Variants in MEGF10 observed in about 807,000 individuals in gnomAD.
MEGF10 encodes the protein multiple epidermal growth factor-like domains protein 10.
A neutral mutation model predicts 147.5 loss-of-function variants in MEGF10; 86 were observed. The ratio of observed to expected loss-of-function variants is 0.58; its 90% confidence interval spans 0.49 to 0.70. The LOEUF is 0.70. Among genes scored for constraint, MEGF10 ranks in the 30% least tolerant of loss-of-function variants. MEGF10 has a pLI of 0.00. For synonymous variants in MEGF10, 478 were observed against 525.5 expected, an observed-to-expected ratio of 0.91 and a Z score of 1.24; for missense variants, 1,329 against 1,487.3, an observed-to-expected ratio of 0.89 and a Z score of 1.75.
chr5:127,250,392 TA>T, the MEGF10 span, among the ~76,000 whole-genome samples: 22 of 151,846 alleles, frequency 1.4e-4, no homozygotes, highest in East Asian at 3.9e-4. Context: ...TATAAATAGA[TA>T]AAAAAAATTT....
chr5:127,247,463 A>G, the MEGF10 span, among the ~76,000 whole-genome samples: 579 of 141,052 alleles, frequency 4.1e-3, 22 homozygotes, highest in Non-Finnish European at 4.6e-3. Flanking sequence ...AAGAAGAAGA[A>G]GAAGAAGAAG....
chr5:127,452,722 C>T lies in MEGF10; in HGVS notation c.2981-1844C>T, dbSNP rs141296236. Among the ~76,000 whole-genome samples, 233 of 152,282 alleles carry T rather than the reference C, an allele frequency of 1.5e-3. 2 individuals are homozygous for T. The highest frequency in any genetic ancestry group is 5.4e-3 in the African/African-American group (223 of 41,558). On this transcript the variant is annotated intron_variant, in intron 22 of 24. Coordinates refer to ENST00000503335, the MANE Select transcript of MEGF10 (RefSeq NM_001256545.2). ...TTACACTATCCGGTGTATCCCTGGG[C>T]CTCCGGGTGAACAAAAGCACTCCTA... is the stretch of plus-strand genomic sequence containing the variant.
chr5:127,438,420 T>A lies in MEGF10; in HGVS notation c.2105-19T>A. 6.2e-7 allele frequency: 1 copy of A among 1,612,954 alleles called. No homozygotes were observed. The highest frequency in any genetic ancestry group is 8.5e-7 in the Non-Finnish European group (1 of 1,179,342). On this transcript the variant is annotated intron_variant, in intron 16 of 24. Coordinates refer to ENST00000503335, the MANE Select transcript of MEGF10 (RefSeq NM_001256545.2). ...TGGCCTCAGAACTCTGATGGACTTCTCCATACCTGTAATTTCAGCATGTCC... is the reference window on the plus strand; with the variant it reads ...TGGCCTCAGAACTCTGATGGACTTCACCATACCTGTAATTTCAGCATGTCC...
chr5:127,247,699 G>A, the MEGF10 span, among the ~76,000 whole-genome samples: 306 of 152,082 alleles, frequency 2.0e-3, no homozygotes, highest in African/African-American at 7.0e-3. Context: ...AATAACATGA[G>A]GCAAGCACCA....
the MEGF10 span, among the ~76,000 whole-genome samples, chr5:127,251,188 T>G: frequency 0.047 from 7,180 of 152,122 alleles, 285 homozygotes; most frequent in African/African-American, 0.1. Context: ...TTTCAAAAAT[T>G]AAAACAAATT....
the MEGF10 span, among the ~76,000 whole-genome samples, chr5:127,268,818 C>T: frequency 6.6e-6 from 1 of 152,248 alleles, no homozygotes. Flanking sequence ...CTCTGAGTAG[C>T]CTAACTGGGA....
intron 23 of MEGF10, 24 bp from the exon 24 acceptor site, chr5:127,455,377 T>G (rs1327044993): frequency 6.3e-7 from 1 of 1,596,538 alleles, no homozygotes; most frequent in Non-Finnish European, 8.6e-7. Flanking sequence ...AGCATTAGCT[T>G]TCTCTTCTCA....
At chr5:127,318,514 A>G (rs1216791739) in intron 1 of MEGF10, among the ~76,000 whole-genome samples, 3 of 152,200 alleles carry the variant, frequency 2.0e-5, no homozygotes, top group African/African-American at 7.2e-5. Flanking sequence ...CTAAAAATGC[A>G]TCTACAAGAA....
Position 127,331,289 on chromosome 5 carries a change from A to G in MEGF10, c.-18-2A>G, listed in dbSNP as rs367819491. 6.8e-7 allele frequency: 1 copy of G among 1,462,638 alleles called. No homozygotes were observed. Among genetic ancestry groups the G allele is most frequent in the Non-Finnish European group, 9.6e-7 (1 of 1,045,228 alleles). 90.6% of individuals were successfully genotyped at this position (1,462,638 alleles called of 1,614,324 possible). A position where few individuals can be genotyped will look rare whatever the true frequency, so the allele number is the denominator to read the frequency against. ...CTAATTGGGATTTTTTCTTTCTTGT[A>G]GGTTGTTCTTCAGAAAAAAATGGTT... On this transcript the variant is annotated splice_acceptor_variant, in intron 1 of 24. Coordinates refer to ENST00000503335, the MANE Select transcript of MEGF10 (RefSeq NM_001256545.2). LOFTEE classifies it low-confidence loss of function (5UTR_SPLICE).
chr5:127,327,847 T>C (rs1162851077), intron 1 of MEGF10, among the ~76,000 whole-genome samples: 1 of 151,970 alleles, frequency 6.6e-6, no homozygotes, highest in African/African-American at 2.4e-5. Context: ...CCCAAGTAGC[T>C]GGGATTATAG....
chr5:127,429,760 C>G (rs1480384819), intron 13 of MEGF10, among the ~76,000 whole-genome samples: 1 of 152,166 alleles, frequency 6.6e-6, no homozygotes, highest in Non-Finnish European at 1.5e-5. Flanking sequence ...GGGGGTTCTG[C>G]AGGTAAAAGA....
intron 4 of MEGF10, among the ~76,000 whole-genome samples, chr5:127,348,892 A>G (rs544335788): frequency 6.6e-6 from 1 of 152,276 alleles, no homozygotes; most frequent in South Asian, 2.1e-4. Context: ...TGTAAATCTA[A>G]TAAGCCCAAC....
chr5:127,457,637 A>G lies in MEGF10; in HGVS notation c.*319A>G, dbSNP rs1580896162. The stretch of plus-strand genomic sequence containing the variant: ...CTCGGAGACGCAGGTTGCAGTGGAC[A>G]TTGGGATTGTTGCTTGAAAAATTAA... On this transcript the variant is annotated 3_prime_UTR_variant, in exon 25 of 25. Transcript: ENST00000503335. 1 of 299,966 alleles carries G rather than the reference A, an allele frequency of 3.3e-6. No homozygotes were observed. The highest frequency in any genetic ancestry group is 6.4e-5 in the South Asian group (1 of 15,682). The allele number at this position is 299,966 out of a possible 1,614,324, so 18.6% of individuals were successfully genotyped here.
intron 7 of MEGF10, among the ~76,000 whole-genome samples, chr5:127,400,711 G>A (rs918029362): frequency 4.6e-5 from 7 of 152,194 alleles, no homozygotes; most frequent in Non-Finnish European, 1.0e-4. Context: ...GGGATGGTCA[G>A]GATGTGGGTT....
intron 5 of MEGF10, among the ~76,000 whole-genome samples, chr5:127,379,342 C>A (rs1223716170): frequency 1.3e-5 from 2 of 152,096 alleles, no homozygotes; most frequent in Non-Finnish European, 2.9e-5. Context: ...CTCTCCTTCC[C>A]AAAACTGGCT....
At chr5:127,315,199 A>T (rs1185514988) in intron 1 of MEGF10, among the ~76,000 whole-genome samples, 1 of 152,142 alleles carries the variant, frequency 6.6e-6, no homozygotes, top group Non-Finnish European at 1.5e-5. Context: ...GCCCTTAAAG[A>T]GTTATCAGAA....
At chr5:127,309,546 A>T (rs547445939) in intron 1 of MEGF10, among the ~76,000 whole-genome samples, 2 of 152,184 alleles carry the variant, frequency 1.3e-5, no homozygotes, top group African/African-American at 2.4e-5. Flanking sequence ...GACAGTATTT[A>T]TTCTTTTGTA....
intron 1 of MEGF10, among the ~76,000 whole-genome samples, chr5:127,328,467 C>A (rs552284464): frequency 6.6e-6 from 1 of 152,172 alleles, no homozygotes; most frequent in Admixed American, 6.5e-5. Context: ...GTATACTGAA[C>A]TTCCAAAGCA....
At chr5:127,334,273 A>C (rs1039385997) in intron 2 of MEGF10, among the ~76,000 whole-genome samples, 6 of 152,228 alleles carry the variant, frequency 3.9e-5, no homozygotes, top group African/African-American at 1.4e-4. Flanking sequence ...ACCTGTACCC[A>C]ATGGCTCAGA....
Sources: allele counts gnomAD v4.1 joint callset (sites outside exome capture counted in the v4.1 genomes callset), GRCh38; gene constraint gnomAD v4.1.1; transcripts MANE v1.5; gene names NCBI Gene and HGNC (gene_info 2026-07-23, HGNC 2026-07-21).